Variants in NCOR2 observed in about 807,000 individuals in gnomAD.
The protein encoded by NCOR2 is CTG repeat protein 26.
A neutral mutation model predicts 262.9 loss-of-function variants in NCOR2; 81 were observed. The ratio of observed to expected loss-of-function variants is 0.31; its 90% CI spans 0.26 to 0.37. The LOEUF (loss-of-function observed/expected upper bound fraction) is 0.37, where lower values mean the gene tolerates loss of function less well. Among genes scored for constraint, NCOR2 ranks in the 10% least tolerant of loss-of-function variants. The pLI is 1.00. For synonymous variants in NCOR2, 1,659 were observed against 1,559.3 expected (o/e 1.06, Z -1.51); for missense variants, 3,385 against 3,621.4 (o/e 0.93, Z 1.68).
At chr12:124,376,516 C>T (rs1393615254) in intron 18 of NCOR2, among the ~76,000 whole-genome samples, 1 of 152,100 alleles carries the variant, frequency 6.6e-6, no homozygotes, top group Non-Finnish European at 1.5e-5. Flanking sequence ...GGACTCGTGG[C>T]CCAGGCCTTC....
chr12:124,353,975 C>T, intron 27 of NCOR2, 118 bp downstream of exon 29: 2 of 889,348 alleles, frequency 2.2e-6, no homozygotes, highest in Non-Finnish European at 1.7e-6. Context: ...GAACTGCTGT[C>T]CCCCAGTCAT....
rs1217492317 is a variant in NCOR2, at chr12:124,434,242, G to A, written c.883-3455C>T. Among the ~76,000 whole-genome samples, 3 of 152,042 alleles carry A rather than the reference G, an allele frequency of 2.0e-5. No homozygotes were observed. In the East Asian group the frequency reaches 5.8e-4, roughly 29 times the overall value. On this transcript the variant is annotated intron_variant, in intron 8 of 46. Transcript: ENST00000405201. ...AGGGGGGTCTGACTCCCCAGTGGGG[G>A]TGAGGCAGGCACATCAGAGTTCTCG...
At chr12:124,414,408 A>G (rs755755525) in intron 13 of NCOR2, among the ~76,000 whole-genome samples, 1 of 152,050 alleles carries the variant, frequency 6.6e-6, no homozygotes. Flanking sequence ...CATCATCACC[A>G]TCATCGCCAT....
intron 13 of NCOR2, among the ~76,000 whole-genome samples, chr12:124,417,890 T>G (rs2042995165): frequency 6.6e-6 from 1 of 151,830 alleles, no homozygotes; most frequent in African/African-American, 2.4e-5. Context: ...TGAAACCCTG[T>G]CTCTATTATA....
intron 1 of NCOR2, among the ~76,000 whole-genome samples, chr12:124,487,488 G>A (rs1286234564): frequency 2.6e-5 from 4 of 152,228 alleles, no homozygotes; most frequent in Admixed American, 2.0e-4. Context: ...CTCTCTCTAC[G>A]GGGCCTCGGC....
intron 1 of NCOR2, among the ~76,000 whole-genome samples, chr12:124,567,006 T>G (rs2052264574): frequency 6.6e-6 from 1 of 152,060 alleles, no homozygotes. Flanking sequence ...GCGCACACTG[T>G]GGGGGGCCGC....
chr12:124,439,286 G>T (rs12825727), intron 7 of NCOR2, among the ~76,000 whole-genome samples: 14 of 9,360 alleles, frequency 1.5e-3, no homozygotes, highest in East Asian at 4.9e-3. Flanking sequence ...CAGAGGGAGA[G>T]AGAGACCCAG....
rs1301852934 is a variant in NCOR2 at position 124,432,179 on chromosome 12, CAT to C, written c.883-1394_883-1393del. ...GCACACACAGGGTCTCGCAGGCAGA[CAT>C]GATGGACACACATACACAGAGTCAC... On this transcript the variant is annotated intron_variant, in intron 8 of 46. Coordinates refer to ENST00000405201, the Ensembl canonical transcript of NCOR2. The surrounding 1 kb of genome is among the most constrained non-coding windows in gnomAD (Gnocchi z 5.1). 1.3e-5 allele frequency among the ~76,000 whole-genome samples: 2 copies of C among 152,014 alleles called. No individual in the cohort carries two copies. Among genetic ancestry groups the C allele is most frequent in the African/African-American group, 4.8e-5 (2 of 41,378 alleles).
rs987492128 is a variant in NCOR2 at position 124,549,933 on chromosome 12, G to C, written c.-164-14322C>G. On this transcript the variant is annotated intron_variant, in intron 1 of 32. Coordinates refer to the NCOR2 transcript ENST00000458234. This position sits in a 1 kb window ranked among gnomAD's most constrained non-coding sequence, Gnocchi z 4.4. Reference sequence around the variant, plus strand: ...GTGAATGAACAAAATCTACATGCTGGGCGCAAGCTCCGAGGAAAACTCCTT... The same window carrying C: ...GTGAATGAACAAAATCTACATGCTGCGCGCAAGCTCCGAGGAAAACTCCTT... 5.3e-5 allele frequency among the ~76,000 whole-genome samples: 8 copies of C among 152,146 alleles called. No homozygotes were observed. The highest frequency in any genetic ancestry group is 1.2e-4 in the Non-Finnish European group (8 of 68,026).
At chr12:124,379,356 G>A (rs1051770514) in intron 17 of NCOR2, among the ~76,000 whole-genome samples, 4 of 152,226 alleles carry the variant, frequency 2.6e-5, no homozygotes, top group Non-Finnish European at 2.9e-5. Flanking sequence ...GTAGCTCACT[G>A]GGGTGGGTGT....
At chr12:124,363,314 A>G (rs890127238) in intron 21 of NCOR2, among the ~76,000 whole-genome samples, 1 of 152,226 alleles carries the variant, frequency 6.6e-6, no homozygotes, top group African/African-American at 2.4e-5. Context: ...GTGTTCCCAG[A>G]GGGCCCCAGG....
intron 8 of NCOR2, among the ~76,000 whole-genome samples, chr12:124,433,875 C>CACACACACACACACAA (rs2044154108): frequency 2.1e-5 from 2 of 96,082 alleles, no homozygotes; most frequent in Non-Finnish European, 2.1e-5. Flanking sequence ...CACACACACA[C>CACACACACACACACAA]ACACACACAC....
At chr12:124,333,963 T>TGC (rs1342130722) in intron 41 of NCOR2, among the ~76,000 whole-genome samples, 1 of 149,482 alleles carries the variant, frequency 6.7e-6, no homozygotes, top group Non-Finnish European at 1.5e-5. Context: ...CGTGTGTGTG[T>TGC]GCGGGTGCGC....
At chr12:124,499,181 G>A (rs1029441072), upstream of NCOR2, among the ~76,000 whole-genome samples, 6 of 152,392 alleles carry the variant, frequency 3.9e-5, no homozygotes, top group Middle Eastern at 3.4e-3. Context: ...GGGCAGGAGA[G>A]GACGAGGGAG....
chr12:124,375,434 G>A (rs1013493290), intron 18 of NCOR2, among the ~76,000 whole-genome samples: 8 of 152,180 alleles, frequency 5.3e-5, no homozygotes, highest in African/African-American at 7.2e-5. Flanking sequence ...ACTATGCCCC[G>A]AGGTTTCTGA....
chr12:124,335,407 T>C (rs1017344762), intron 39 of NCOR2, 76 bp downstream of exon 41: 42 of 1,535,420 alleles, frequency 2.7e-5, no homozygotes, highest in Non-Finnish European at 3.4e-5. Context: ...ACCTCTGTTT[T>C]CCTATCTGCA....
intron 12 of NCOR2, 29 bp downstream of exon 14, chr12:124,422,472 G>T (rs545497298): frequency 2.5e-6 from 4 of 1,613,504 alleles, no homozygotes; most frequent in South Asian, 2.2e-5. Context: ...GGTGGAGACC[G>T]AAGGGGTATG....
intron 1 of NCOR2, among the ~76,000 whole-genome samples, chr12:124,527,101 T>G (rs2050513415): frequency 6.6e-6 from 1 of 152,252 alleles, no homozygotes; most frequent in African/African-American, 2.4e-5. Context: ...GTGGAAGGGA[T>G]GATGAGATCT....
At chr12:124,350,464 G>A in intron 28 of NCOR2, 123 bp downstream of exon 30, 2 of 1,308,498 alleles carry the variant, frequency 1.5e-6, no homozygotes, top group Non-Finnish European at 2.1e-6. Context: ...GGGATAAGGA[G>A]GTCACCACCT....
Sources: gnomAD v4.1 joint callset for allele counts (sites outside exome capture counted in the v4.1 genomes callset) on GRCh38, gnomAD v4.1.1 for gene constraint, Gnocchi (gnomAD v3.1) non-coding constraint, MANE v1.5 for transcripts, NCBI Gene and HGNC (gene_info 2026-07-23, HGNC 2026-07-21) for gene names.